The following COL18A1 variants were observed in gnomAD, a reference collection of about 807,000 sequenced individuals.
The protein encoded by COL18A1 is collagen type XVIII alpha 1 chain, also known as collagen alpha-1(XVIII) chain.
COL18A1 carries 133 observed loss-of-function variants against 168.0 expected under a neutral mutation model. The observed-to-expected ratio is 0.79, with a 90% CI of 0.69 to 0.91. The LOEUF (loss-of-function observed/expected upper bound fraction) is 0.91, where lower values mean the gene tolerates loss of function less well. COL18A1 is among the 40% of genes least tolerant of loss of function. The pLI is 0.00. For synonymous variants in COL18A1, 949 were observed against 809.0 expected, an observed-to-expected ratio of 1.17 and a Z score of -2.94; for missense variants, 2,126 against 1,925.4, an observed-to-expected ratio of 1.10 and a Z score of -1.95.
In COL18A1 at chr21:45,476,544, T is replaced by C; in HGVS notation, c.928+64T>C. Reference sequence around the variant, plus strand: ...GGTGTGTGTGGTGTGTAACGTGTGTTTGTGTGATGGTGAGGTATGTGTGTG... The same window carrying C: ...GGTGTGTGTGGTGTGTAACGTGTGTCTGTGTGATGGTGAGGTATGTGTGTG... On this transcript the variant is annotated intron_variant, in intron 6 of 41. Coordinates refer to ENST00000651438, the MANE Select transcript of COL18A1 (RefSeq NM_001379500.1). 4 of 1,534,804 alleles carry C rather than the reference T, an allele frequency of 2.6e-6. No homozygotes were observed. The South Asian group carries it at 3.6e-5, about 14-fold the overall frequency.
chr21:45,486,333 C>T (rs1397792056), intron 15 of COL18A1, among the ~76,000 whole-genome samples: 1 of 131,380 alleles, frequency 7.6e-6, no homozygotes, highest in Non-Finnish European at 1.6e-5. Context: ...CCCTCGCCTG[C>T]CGGGGAGCCA....
intron 13 of COL18A1, among the ~76,000 whole-genome samples, chr21:45,481,089 C>T (rs9983783): frequency 0.17 from 25,761 of 152,176 alleles, 2,294 homozygotes; most frequent in Admixed American, 0.2. Context: ...TGGGGGTGAC[C>T]GCAAGCAAGG....
intron 2 of COL18A1, chr21:45,455,741 A>G: frequency 1.2e-6 from 2 of 1,613,772 alleles, no homozygotes; most frequent in African/African-American, 1.3e-5. Context: ...GAATGGTTCC[A>G]CAGAGCCAGC....
At chr21:45,412,233 A>ATTT (rs1285919162) in intron 2 of COL18A1, among the ~76,000 whole-genome samples, 2 of 96,122 alleles carry the variant, frequency 2.1e-5, no homozygotes, top group South Asian at 3.9e-4. Flanking sequence ...CTGGGGGTAT[A>ATTT]TTTCTTTTTT....
At chr21:45,487,120 C>A in intron 16 of COL18A1, 128 bp downstream of exon 16, 1 of 956,156 alleles carries the variant, frequency 1.0e-6, no homozygotes. Context: ...CTGCCTCATC[C>A]TGGGATTCCA....
intron 2 of COL18A1, among the ~76,000 whole-genome samples, chr21:45,405,762 C>T (rs1028166495): frequency 6.6e-6 from 1 of 150,958 alleles, no homozygotes; most frequent in African/African-American, 2.4e-5. Flanking sequence ...TCGTCGGTGC[C>T]GGGAGGGCTC....
At chr21:45,476,510 G>A (rs1602483084) in intron 6 of COL18A1, 30 bp downstream of exon 6, 3 of 1,569,756 alleles carry the variant, frequency 1.9e-6, no homozygotes, top group East Asian at 4.7e-5. Context: ...TGGTGTGTGT[G>A]TGGTGTGGGG....
At position 45,468,465 on chromosome 21, in the gene COL18A1, C is replaced by T; in HGVS notation, c.330C>T (p.Ala110=). ...PATEGPGVLF[A]ITDSAQAMVL... Reference sequence around the variant, plus strand: ...CAGAGGGCCCAGGGGTGCTGTTCGCCATCACGGACTCGGCGCAGGCCATGG... The same window carrying T: ...CAGAGGGCCCAGGGGTGCTGTTCGCTATCACGGACTCGGCGCAGGCCATGG... The change falls in exon 3 of 42, where the codon GCC becomes GCT. Residue 110 remains alanine, a synonymous_variant. Coordinates refer to ENST00000651438, the MANE Select transcript of COL18A1 (RefSeq NM_001379500.1). 1 of 1,614,122 alleles carries T rather than the reference C, an allele frequency of 6.2e-7. No individual in the cohort carries two copies. The highest frequency in any genetic ancestry group is 8.5e-7 in the Non-Finnish European group (1 of 1,180,034).
rs1266285261 is a variant in COL18A1, at chr21:45,482,417, C to T, written c.1675-378C>T. ...TGCGTCTGGCCCCCTGGGGAGCGGT[C>T]TCCAGCATGACCTCAGATGAGAGCT... On this transcript the variant is annotated intron_variant, in intron 14 of 41. Transcript: ENST00000651438. The T allele has an allele frequency of 5.1e-6, 3 of 593,174 alleles. No homozygotes were observed. The African/African-American group carries it at 5.5e-5, about 11-fold the overall frequency. The allele number at this position is 593,174 out of a possible 1,614,324, so 36.7% of individuals were successfully genotyped here. A position where few individuals can be genotyped will look rare whatever the true frequency, so the allele number is the denominator to read the frequency against.
chr21:45,444,118 G>A (rs116159041), intron 2 of COL18A1, among the ~76,000 whole-genome samples: 1,948 of 152,288 alleles, frequency 0.013, 54 homozygotes, highest in African/African-American at 0.044. Flanking sequence ...CTGGCCTGGC[G>A]TGGTCGTCCC....
Position 45,476,308 on chromosome 21 carries a change from T to C in COL18A1, c.799-43T>C, listed in dbSNP as rs559513854. 1.1e-5 allele frequency: 18 copies of C among 1,613,056 alleles called. No individual in the cohort carries two copies. The East Asian group carries it at 3.8e-4, about 34-fold the overall frequency. On this transcript the variant is annotated intron_variant, in intron 5 of 41. Transcript: ENST00000651438. ...AAACCAAGCAAGTCTCCACCGGGCA[T>C]CTGCCGGCCGAATAACAGGCCACCT...
chr21:45,510,121 G>T lies in COL18A1; in HGVS notation c.3553G>T (p.Ala1185Ser). Reference protein sequence around the residue: ...LSGGMRGIRGADFQCFQQARA... With the variant: ...LSGGMRGIRGSDFQCFQQARA... ...AGGCGGCATGCGGGGCATCCGCGGGGCCGACTTCCAGTGCTTCCAGCAGGC... is the reference window on the plus strand; with the variant it reads ...AGGCGGCATGCGGGGCATCCGCGGGTCCGACTTCCAGTGCTTCCAGCAGGC... The change falls in exon 40 of 42, where the codon GCC (alanine) becomes TCC (serine). Residue 1185 changes from alanine (A) to serine (S), a missense_variant. Coordinates refer to ENST00000651438, the MANE Select transcript of COL18A1 (RefSeq NM_001379500.1). The T allele has an allele frequency of 6.3e-7, 1 of 1,597,992 alleles. No homozygotes were observed. Among genetic ancestry groups the T allele is most frequent in the Non-Finnish European group, 8.5e-7 (1 of 1,173,786 alleles).
In COL18A1 at chr21:45,510,412, G is replaced by A. The variant is rs780435678; in HGVS notation, c.3693+151G>A. On this transcript the variant is annotated intron_variant, in intron 40 of 41. Transcript: ENST00000651438. The stretch of plus-strand genomic sequence containing the variant: ...GGCTGGCGACTTCAGGGCAGGCTCC[G>A]GGTGGGTCACACCCCTCCAGGCTCA... The A allele has an allele frequency of 8.5e-5, 76 of 897,996 alleles. No homozygotes were observed. Among genetic ancestry groups the A allele is most frequent in the South Asian group, 1.5e-4 (10 of 67,156 alleles). 55.6% of individuals were successfully genotyped at this position (897,996 alleles called of 1,614,324 possible). A position where few individuals can be genotyped will look rare whatever the true frequency, so the allele number is the denominator to read the frequency against.
intron 2 of COL18A1, among the ~76,000 whole-genome samples, chr21:45,427,756 G>A (rs930739508): frequency 2.0e-5 from 3 of 152,194 alleles, no homozygotes; most frequent in African/African-American, 7.2e-5. Context: ...CATGCTGGTC[G>A]CCATCACGTG....
At chr21:45,446,371 T>C (rs2034506162) in intron 2 of COL18A1, among the ~76,000 whole-genome samples, 1 of 152,266 alleles carries the variant, frequency 6.6e-6, no homozygotes, top group Admixed American at 6.5e-5. Context: ...TTTGACTTTT[T>C]TCTAATCCAA....
intron 2 of COL18A1, among the ~76,000 whole-genome samples, chr21:45,433,418 G>A (rs947463938): frequency 1.3e-5 from 2 of 152,220 alleles, no homozygotes; most frequent in African/African-American, 4.8e-5. Context: ...GTGCGTCTGT[G>A]CCTGTGCCTG....
At chr21:45,468,845 G>T in intron 3 of COL18A1, 59 bp downstream of exon 3, 4 of 1,435,536 alleles carry the variant, frequency 2.8e-6, no homozygotes, top group Non-Finnish European at 3.7e-6. Flanking sequence ...GTGGGGTGGG[G>T]GTGGCCACTG....
chr21:45,433,399 C>T (rs550060283), intron 2 of COL18A1, among the ~76,000 whole-genome samples: 11 of 152,292 alleles, frequency 7.2e-5, no homozygotes, highest in East Asian at 1.9e-4. Context: ...CCTCTCTGGT[C>T]GTCTTTGTGT....
In COL18A1 at chr21:45,505,397, C is replaced by T. The variant is rs1264718846; in HGVS notation, c.3053C>T (p.Pro1018Leu). Residue 1018 changes from proline to leucine, a missense_variant, in exon 36 of 42, where the codon CCT (proline) becomes CTT (leucine). By Grantham distance (98) the Pro-to-Leu change is moderately conservative. Transcript: ENST00000651438. ...VPGPPGPPGP[P>L]GPPGTMGASS... ...GGCCCTCCGGGCCCCCCTGGGCCCCCTGGGCCCCCTGGAACCATGGGCGCC... is the reference window on the plus strand; with the variant it reads ...GGCCCTCCGGGCCCCCCTGGGCCCCTTGGGCCCCCTGGAACCATGGGCGCC... 2 of 1,583,296 alleles carry T rather than the reference C, an allele frequency of 1.3e-6. No homozygotes were observed. Among genetic ancestry groups the T allele is most frequent in the African/African-American group, 2.7e-5 (2 of 74,426 alleles).
Sources: allele counts gnomAD v4.1 joint callset (sites outside exome capture counted in the v4.1 genomes callset), GRCh38; gene constraint gnomAD v4.1.1; transcripts MANE v1.5; gene names NCBI Gene and HGNC (gene_info 2026-07-23, HGNC 2026-07-21).